TMEM232: variants seen among roughly 807,000 people sequenced by gnomAD.
The protein encoded by TMEM232 is transmembrane protein 232.
A neutral mutation model predicts 78.8 loss-of-function variants in TMEM232; 80 were observed. The ratio of observed to expected loss-of-function variants is 1.01; its 90% CI spans 0.85 to 1.22. The LOEUF (loss-of-function observed/expected upper bound fraction) is 1.22, where lower values mean the gene tolerates loss of function less well. Ranked by LOEUF, TMEM232 falls within the 50% of genes most tolerant of loss-of-function variation. The pLI is 0.00. For missense variants in TMEM232, 881 were observed against 742.2 expected (o/e 1.19, Z -2.17); for synonymous variants, 297 against 254.3 (o/e 1.17, Z -1.60).
intron 1 of TMEM232, among the ~76,000 whole-genome samples, chr5:110,681,743 G>T (rs1178926586): frequency 6.6e-6 from 1 of 152,142 alleles, no homozygotes; most frequent in Non-Finnish European, 1.5e-5. Context: ...ATAGAACTTG[G>T]TCACAAATAC....
chr5:110,388,554 A>T (rs1469227838), intron 4 of TMEM232, among the ~76,000 whole-genome samples: 1 of 152,160 alleles, frequency 6.6e-6, no homozygotes, highest in Non-Finnish European at 1.5e-5. Context: ...TATCTGCCTA[A>T]GTAATTTCTT....
chr5:110,559,173 T>C (rs1256424792), intron 11 of TMEM232, among the ~76,000 whole-genome samples: 1 of 152,172 alleles, frequency 6.6e-6, no homozygotes. Context: ...AGTTTTACTT[T>C]ATATTACACA....
chr5:110,492,053 A>C (rs116784204), intron 12 of TMEM232, among the ~76,000 whole-genome samples: 3,080 of 152,026 alleles, frequency 0.02, 74 homozygotes, highest in African/African-American at 0.057. Flanking sequence ...TGCAAAAAAA[A>C]CAGATCATTC....
chr5:110,648,338 G>T (rs1349324527), intron 2 of TMEM232, among the ~76,000 whole-genome samples: 2 of 152,062 alleles, frequency 1.3e-5, no homozygotes, highest in Non-Finnish European at 2.9e-5. Context: ...CTGGAAAACA[G>T]TTGGATGTTT....
At chr5:110,714,940 G>A (rs1796868799) in intron 1 of TMEM232, among the ~76,000 whole-genome samples, 2 of 152,010 alleles carry the variant, frequency 1.3e-5, no homozygotes, top group Admixed American at 6.6e-5. Flanking sequence ...CAAGAAAAAA[G>A]TTTGATTAAT....
intron 2 of TMEM232, among the ~76,000 whole-genome samples, chr5:110,665,293 T>G (rs1790406643): frequency 6.6e-6 from 1 of 152,192 alleles, no homozygotes; most frequent in South Asian, 2.1e-4. Context: ...TTAAAACGTG[T>G]TCCATGAGTT....
chr5:110,656,406 A>AT (rs199825652), intron 2 of TMEM232, among the ~76,000 whole-genome samples: 111 of 151,880 alleles, frequency 7.3e-4, no homozygotes, highest in Middle Eastern at 6.9e-3. Flanking sequence ...CCTTATGTTA[A>AT]TTTTTTTTTG....
intron 12 of TMEM232, among the ~76,000 whole-genome samples, chr5:110,436,361 C>T (rs181604946): frequency 2.0e-5 from 3 of 151,824 alleles, no homozygotes; most frequent in Non-Finnish European, 4.4e-5. Context: ...TTATTAATGC[C>T]GTGCCACATG....
chr5:110,397,753 G>A (rs558723047), intron 3 of TMEM232: 2 of 152,634 alleles, frequency 1.3e-5, no homozygotes, highest in African/African-American at 4.8e-5. Context: ...TGTTAGATAT[G>A]GTAATTTTTT....
At chr5:110,687,965 T>C (rs1793633761) in intron 1 of TMEM232, among the ~76,000 whole-genome samples, 1 of 152,070 alleles carries the variant, frequency 6.6e-6, no homozygotes, top group African/African-American at 2.4e-5. Context: ...AAATGTTTGG[T>C]TTGTAAAAGA....
At chr5:110,527,826 A>AT (rs1770818574) in intron 12 of TMEM232, among the ~76,000 whole-genome samples, 1 of 151,966 alleles carries the variant, frequency 6.6e-6, no homozygotes, top group African/African-American at 2.4e-5. Context: ...AAATTACTAG[A>AT]AAAAATATAA....
chr5:110,704,533 T>G (rs1297634447), intron 1 of TMEM232, among the ~76,000 whole-genome samples: 1 of 152,146 alleles, frequency 6.6e-6, no homozygotes, highest in Non-Finnish European at 1.5e-5. Flanking sequence ...TTTGTTATGA[T>G]GACTGAATGT....
intron 11 of TMEM232, among the ~76,000 whole-genome samples, chr5:110,555,345 T>C (rs778457981): frequency 6.6e-6 from 1 of 152,166 alleles, no homozygotes; most frequent in Non-Finnish European, 1.5e-5. Context: ...TTGGTATTGA[T>C]ATCCATTTTT....
intron 1 of TMEM232, among the ~76,000 whole-genome samples, chr5:110,675,916 C>T (rs778056696): frequency 2.0e-5 from 3 of 152,096 alleles, no homozygotes; most frequent in Admixed American, 6.6e-5. Context: ...ACCAACATCC[C>T]CCATTTCTAC....
At chr5:110,435,262 G>A (rs1362609676) in intron 12 of TMEM232, among the ~76,000 whole-genome samples, 1 of 151,562 alleles carries the variant, frequency 6.6e-6, no homozygotes, top group Admixed American at 6.6e-5. Context: ...AAAATCAGTA[G>A]TGTTTACTTT....
chr5:110,450,151 A>G (rs1400871311), intron 12 of TMEM232, among the ~76,000 whole-genome samples: 10 of 152,098 alleles, frequency 6.6e-5, no homozygotes, highest in African/African-American at 9.7e-5. Flanking sequence ...CACCATAATC[A>G]TAAGTTTCCT....
At chr5:110,534,856 T>C (rs1331642368) in intron 11 of TMEM232, among the ~76,000 whole-genome samples, 1 of 152,198 alleles carries the variant, frequency 6.6e-6, no homozygotes, top group African/African-American at 2.4e-5. Flanking sequence ...TTTCAATTCA[T>C]ACAAAACCAT....
At chr5:110,613,524 G>A (rs1217583139) in intron 8 of TMEM232, among the ~76,000 whole-genome samples, 1 of 152,094 alleles carries the variant, frequency 6.6e-6, no homozygotes, top group African/African-American at 2.4e-5. Context: ...AGTTACTCCT[G>A]CTAATGGTCA....
chr5:110,579,835 C>T (rs79076831), intron 10 of TMEM232, among the ~76,000 whole-genome samples: 8,000 of 151,414 alleles, frequency 0.053, 286 homozygotes, highest in Non-Finnish European at 0.078. Context: ...TTACTTTAAA[C>T]GTAGATTAAA....
Sources: allele counts gnomAD v4.1 joint callset (sites outside exome capture counted in the v4.1 genomes callset), GRCh38; gene constraint gnomAD v4.1.1; transcripts MANE v1.5; gene names NCBI Gene and HGNC (gene_info 2026-07-23, HGNC 2026-07-21).